Variants in ALDH4A1 observed in about 807,000 individuals in gnomAD.
The protein encoded by ALDH4A1 is delta-1-pyrroline-5-carboxylate dehydrogenase, mitochondrial.
Under a neutral mutation model 70.5 loss-of-function variants are expected in ALDH4A1, and 46 were observed. The ratio of observed to expected loss-of-function variants is 0.65; its 90% CI spans 0.51 to 0.83. ALDH4A1 has a LOEUF of 0.83. ALDH4A1 is among the 40% of genes least tolerant of loss of function. The pLI, the probability that ALDH4A1 is intolerant of heterozygous loss-of-function variation, is 0.00. For missense variants in ALDH4A1, 749 were observed against 766.5 expected, an observed-to-expected ratio of 0.98 and a Z score of 0.27; for synonymous variants, 323 against 324.3, an observed-to-expected ratio of 1.00 and a Z score of 0.04.
At chr1:18,894,524 G>A (rs1557626937) in intron 1 of ALDH4A1, among the ~76,000 whole-genome samples, 2 of 152,202 alleles carry the variant, frequency 1.3e-5, no homozygotes, top group African/African-American at 4.8e-5. Context: ...GCCTGGGCAA[G>A]AGAGCAAGAC....
chr1:18,881,970 T>G, intron 7 of ALDH4A1, 83 bp from the exon 8 acceptor site: 1 of 1,366,988 alleles, frequency 7.3e-7, no homozygotes, highest in Non-Finnish European at 1.0e-6. Context: ...ACAGCATGGT[T>G]GTCCCTCACC....
intron 1 of ALDH4A1, among the ~76,000 whole-genome samples, chr1:18,895,428 G>A (rs1331536262): frequency 1.3e-5 from 2 of 152,188 alleles, no homozygotes; most frequent in African/African-American, 4.8e-5. Flanking sequence ...GATCCACGAA[G>A]GCCATGTACC....
In ALDH4A1 at chr1:18,890,067, T is replaced by G; in HGVS notation, c.101A>C (p.Asn34Thr). The G allele has an allele frequency of 6.2e-7, 1 of 1,613,044 alleles. No individual in the cohort carries two copies. Residue 34 changes from asparagine (N) to threonine (T), a missense_variant, in exon 2 of 15, where the codon AAC becomes ACC. Physicochemically the swap from Asn to Thr is moderately conservative, Grantham distance 65 (BLOSUM62 0). Transcript: ENST00000375341. Reference protein sequence around the residue: ...WKHTSSLKVANEPVLAFTQGS... With the variant: ...WKHTSSLKVATEPVLAFTQGS... ...CTGCGTGAAGGCTAAGACGGGCTCG[T>G]TGGCCACCTTCAGGGAGGAGGTGTG... is the stretch of plus-strand genomic sequence containing the variant.
chr1:18,881,951 C>T (rs28673930), intron 7 of ALDH4A1, 64 bp from the exon 8 acceptor site: 2 of 1,469,670 alleles, frequency 1.4e-6, no homozygotes, highest in East Asian at 4.9e-5. Flanking sequence ...CCCCACCCCA[C>T]CCTACCCTAC....
At position 18,902,545 on chromosome 1, in the gene ALDH4A1, T is replaced by C. The variant is rs753736266; in HGVS notation, c.-22A>G. On this transcript the variant is annotated 5_prime_UTR_variant, in exon 1 of 15. Transcript: ENST00000375341. ...GCATCTCGGGTTAGAAGCGGGGCTG[T>C]TCGCTGGATCGTCCGCCCGGGCGCG... The C allele has an allele frequency of 1.1e-5, 16 of 1,477,102 alleles. No individual in the cohort carries two copies. In the Admixed American group the frequency reaches 2.4e-4, roughly 22 times the overall value. The allele number at this position is 1,477,102 out of a possible 1,614,324, so 91.5% of individuals were successfully genotyped here.
chr1:18,876,733 C>T (rs6664725), intron 11 of ALDH4A1, among the ~76,000 whole-genome samples: 47,589 of 149,914 alleles, frequency 0.32, 7,831 homozygotes, highest in African/African-American at 0.42. Context: ...CATATAAACA[C>T]AGACACACAT....
At position 18,902,499 on chromosome 1, in the gene ALDH4A1, G is replaced by A. The variant is rs1935836488; in HGVS notation, c.25C>T (p.Arg9Cys). Reference sequence around the variant, plus strand: ...CAGGGGCGGGACAGCAGGGCGCGGCGGAGCGCGGGCGCCGGCAGCAGCATC... The same window carrying A: ...CAGGGGCGGGACAGCAGGGCGCGGCAGAGCGCGGGCGCCGGCAGCAGCATC... MLLPAPALRRALLSRPWTG... is the reference protein window; with the variant it reads MLLPAPALCRALLSRPWTG... Residue 9 changes from arginine to cysteine, a missense_variant, in exon 1 of 15, where the codon CGC becomes TGC. Arg to Cys is a radical substitution (Grantham distance 180). Transcript: ENST00000375341. The A allele has an allele frequency of 2.0e-6, 3 of 1,479,278 alleles. No homozygotes were observed. Among genetic ancestry groups the A allele is most frequent in the African/African-American group, 1.4e-5 (1 of 69,838 alleles). 91.6% of individuals were successfully genotyped at this position (1,479,278 alleles called of 1,614,324 possible). A position where few individuals can be genotyped will look rare whatever the true frequency, so the allele number is the denominator to read the frequency against.
At chr1:18,873,041 G>T (rs550155773) in intron 14 of ALDH4A1, 84 bp from the exon 15 acceptor site, 6 of 1,221,422 alleles carry the variant, frequency 4.9e-6, no homozygotes, top group Non-Finnish European at 7.1e-6. Context: ...TGGAATCAAC[G>T]GACCAGCAGT....
Position 18,890,112 on chromosome 1 carries a change from C to G in ALDH4A1, c.63-7G>C, listed in dbSNP as rs779713970. The G allele has an allele frequency of 3.7e-6, 6 of 1,608,082 alleles. No individual in the cohort carries two copies. The South Asian group carries it at 6.7e-5, about 18-fold the overall frequency. On this transcript the variant is annotated splice_region_variant and splice_polypyrimidine_tract_variant and intron_variant, in intron 1 of 14. Coordinates refer to ENST00000375341, the MANE Select transcript of ALDH4A1 (RefSeq NM_003748.4). Reference sequence around the variant, plus strand: ...GGTGTGCTTCCACCGCAGGCTGGAACACAAGGGCAGGGGACAGAGGCAGAG... The same window carrying G: ...GGTGTGCTTCCACCGCAGGCTGGAAGACAAGGGCAGGGGACAGAGGCAGAG...
intron 7 of ALDH4A1, among the ~76,000 whole-genome samples, 180 bp downstream of exon 7, chr1:18,882,944 G>A (rs1049908038): frequency 1.6e-4 from 25 of 152,212 alleles, no homozygotes; most frequent in Admixed American, 9.8e-4. Flanking sequence ...GAGGCACGAC[G>A]CTGGGATTCA....
intron 14 of ALDH4A1, 83 bp from the exon 15 acceptor site, chr1:18,873,040 C>T (rs1019691665): frequency 2.4e-5 from 30 of 1,233,694 alleles, no homozygotes; most frequent in African/African-American, 8.9e-5. Context: ...ATGGAATCAA[C>T]GGACCAGCAG....
chr1:18,886,860 A>G (rs1239364968), intron 3 of ALDH4A1, among the ~76,000 whole-genome samples: 1 of 152,194 alleles, frequency 6.6e-6, no homozygotes, highest in African/African-American at 2.4e-5. Context: ...GTGGGGCCCC[A>G]GGTAAGCTCA....
At position 18,899,203 on chromosome 1, in the gene ALDH4A1, C is replaced by A. The variant is rs564762067; in HGVS notation, c.62+3259G>T. ...TCTAAGGAATGGTGGGAAATGCCAG[C>A]CCTCGACCCAGGGCAAGCTGTGCCC... On this transcript the variant is annotated intron_variant, in intron 1 of 14. Coordinates refer to ENST00000375341, the MANE Select transcript of ALDH4A1 (RefSeq NM_003748.4). Among the ~76,000 whole-genome samples the A allele has an allele frequency of 1.7e-4, 26 of 152,348 alleles. No homozygotes were observed. In the South Asian group the frequency reaches 4.8e-3, roughly 28 times the overall value.
At position 18,877,503 on chromosome 1, in the gene ALDH4A1, C is replaced by T. The variant is rs2230705; in HGVS notation, c.1050G>A (p.Ala350=). The change falls in exon 10 of 15, where the codon GCG becomes GCA. Residue 350 remains alanine (A), a synonymous_variant. Transcript: ENST00000375341. ...AGTGCGGCACGTAGAGACGCGAGCA[C>T]GCGGAACACTTCTGGCCACCGTACT... ...AFEYGGQKCS[A]CSRLYVPHSL... is the part of the protein sequence containing the mutation. 6 of 1,607,470 alleles carry T rather than the reference C, an allele frequency of 3.7e-6. 1 individual carries two copies. Among genetic ancestry groups the T allele is most frequent in the African/African-American group, 2.7e-5 (2 of 74,820 alleles).
In ALDH4A1 at chr1:18,902,498, C is replaced by CGGAGCGCGGGCGCCGGCAGCA; in HGVS notation, c.5_25dup (p.Leu2_Leu8dup). The CGGAGCGCGGGCGCCGGCAGCA allele has an allele frequency of 1.4e-6, 2 of 1,478,504 alleles. No homozygotes were observed. The highest frequency in any genetic ancestry group is 1.8e-6 in the Non-Finnish European group (2 of 1,115,110). 91.6% of individuals were successfully genotyped at this position (1,478,504 alleles called of 1,614,324 possible). A position where few individuals can be genotyped will look rare whatever the true frequency, so the allele number is the denominator to read the frequency against. ...CCAGGGGCGGGACAGCAGGGCGCGG[C>CGGAGCGCGGGCGCCGGCAGCA]GGAGCGCGGGCGCCGGCAGCAGCAT... On this transcript the variant is annotated inframe_insertion, in exon 1 of 15. Coordinates refer to ENST00000375341, the MANE Select transcript of ALDH4A1 (RefSeq NM_003748.4).
Position 18,902,014 on chromosome 1 carries a change from G to A in ALDH4A1, c.62+448C>T, listed in dbSNP as rs534285288. ...AAATCCTGGTAGAAGGAGAGGACTCGGGGAATCCGGGGCGGGATGGGGACA... is the reference window on the plus strand; with the variant it reads ...AAATCCTGGTAGAAGGAGAGGACTCAGGGAATCCGGGGCGGGATGGGGACA... On this transcript the variant is annotated intron_variant, in intron 1 of 14. Transcript: ENST00000375341. Among the ~76,000 whole-genome samples the A allele has an allele frequency of 2.6e-5, 4 of 151,994 alleles. No individual in the cohort carries two copies. The South Asian group carries it at 8.3e-4, about 32-fold the overall frequency.
At position 18,898,837 on chromosome 1, in the gene ALDH4A1, T is replaced by C. The variant is rs779806592; in HGVS notation, c.62+3625A>G. ...ACAGGAGGCAGGCTGCTCCCAGGGG[T>C]GCCACTGCCAAGCACTGCCTCAATG... On this transcript the variant is annotated intron_variant, in intron 1 of 14. Transcript: ENST00000375341. This position sits in a 1 kb window ranked among gnomAD's most constrained non-coding sequence, Gnocchi z 4.3. Among the ~76,000 whole-genome samples the C allele has an allele frequency of 2.6e-5, 4 of 152,196 alleles. No individual in the cohort carries two copies. Among genetic ancestry groups the C allele is most frequent in the Non-Finnish European group, 5.9e-5 (4 of 68,022 alleles).
In ALDH4A1 at chr1:18,902,480, C is replaced by A. The variant is rs1327169212; in HGVS notation, c.44G>T (p.Arg15Leu). Residue 15 changes from arginine (R) to leucine (L), a missense_variant, in exon 1 of 15, where the codon CGC becomes CTC. Transcript: ENST00000375341. ...APALRRALLS[R>L]PWTGAGLRWK... ...CACTCACCCGGCCCCGGTCCAGGGG[C>A]GGGACAGCAGGGCGCGGCGGAGCGC... 6.9e-7 allele frequency: 1 copy of A among 1,449,840 alleles called. No individual in the cohort carries two copies. The highest frequency in any genetic ancestry group is 9.1e-7 in the Non-Finnish European group (1 of 1,100,464). The allele number at this position is 1,449,840 out of a possible 1,614,324, so 89.8% of individuals were successfully genotyped here.
chr1:18,889,430 T>A lies in ALDH4A1; in HGVS notation c.181A>T (p.Met61Leu). Residue 61 changes from methionine (M) to leucine (L), a missense_variant, in exon 3 of 15, where the codon ATG becomes TTG. Coordinates refer to ENST00000375341, the MANE Select transcript of ALDH4A1 (RefSeq NM_003748.4). ...CCCACCACGCATGGGATGGCTTCCA[T>A]CCGGCCCTTCAGGTCCTTCAAGGCC... ...QKALKDLKGRMEAIPCVVGDE... is the reference protein window; with the variant it reads ...QKALKDLKGRLEAIPCVVGDE... 1 of 1,552,330 alleles carries A rather than the reference T, an allele frequency of 6.4e-7. No homozygotes were observed.
Sources: allele counts gnomAD v4.1 joint callset (sites outside exome capture counted in the v4.1 genomes callset), GRCh38; gene constraint gnomAD v4.1.1; non-coding constraint Gnocchi (gnomAD v3.1); transcripts MANE v1.5; gene names NCBI Gene and HGNC (gene_info 2026-07-23, HGNC 2026-07-21).